The following SH2D5 variants were observed in gnomAD, a reference collection of about 807,000 sequenced individuals.
SH2D5 encodes SH2 domain containing 5.
Under a neutral mutation model 48.2 loss-of-function variants are expected in SH2D5, and 45 were observed. The ratio of observed to expected loss-of-function variants is 0.93; its 90% confidence interval spans 0.73 to 1.20. SH2D5 has a LOEUF of 1.20. Among genes scored for constraint, SH2D5 ranks in the 50% most tolerant of loss-of-function variants. The pLI is 0.00. For missense variants in SH2D5, 538 were observed against 584.1 expected (o/e 0.92, Z 0.81); for synonymous variants, 230 against 249.8 (o/e 0.92, Z 0.75).
intron 2 of SH2D5, 85 bp downstream of exon 2, chr1:20,727,873 A>G: frequency 8.9e-7 from 1 of 1,120,076 alleles, no homozygotes; most frequent in East Asian, 2.6e-5. Context: ...AATAGGTCCT[A>G]GGCCCGCAGC....
chr1:20,732,186 G>C lies in SH2D5; in HGVS notation c.-48C>G, dbSNP rs1171003917. On this transcript the variant is annotated 5_prime_UTR_variant, in exon 1 of 10. Coordinates refer to ENST00000444387, the MANE Select transcript of SH2D5 (RefSeq NM_001103161.2). This position sits in a 1 kb window ranked among gnomAD's most constrained non-coding sequence, Gnocchi z 5.1. ...CGGCGACCCGCCTCACTCACCAATC[G>C]GCGCCCGCGGAGCCGCTCCGCTCGG... The C allele has an allele frequency of 6.6e-6, 1 of 151,868 alleles. No homozygotes were observed. Among genetic ancestry groups the C allele is most frequent in the Non-Finnish European group, 1.5e-5 (1 of 67,948 alleles). The allele number at this position is 151,868 out of a possible 1,614,324, so 9.4% of individuals were successfully genotyped here.
In SH2D5 at chr1:20,729,229, G is replaced by A. The variant is rs1400820045; in HGVS notation, c.-42-1143C>T. 6.6e-6 allele frequency among the ~76,000 whole-genome samples: 1 copy of A among 152,166 alleles called. No homozygotes were observed. The highest frequency in any genetic ancestry group is 1.5e-5 in the Non-Finnish European group (1 of 68,028). On this transcript the variant is annotated intron_variant, in intron 1 of 9. Transcript: ENST00000444387. The surrounding 1 kb of genome is among the most constrained non-coding windows in gnomAD (Gnocchi z 4.2). ...GGCCCCATGATTCCAAGAAAGAATGGCTAAATGCCTCTGGCGAGGTCCCCC... is the reference window on the plus strand; with the variant it reads ...GGCCCCATGATTCCAAGAAAGAATGACTAAATGCCTCTGGCGAGGTCCCCC...
rs1382629954 is a variant in SH2D5, at chr1:20,725,904, C to T, written c.390+16G>A. On this transcript the variant is annotated intron_variant, in intron 5 of 9. Coordinates refer to ENST00000444387, the MANE Select transcript of SH2D5 (RefSeq NM_001103161.2). ...TCCGGCCTCCGTGGCGGTCCCCTGCCTCAAGCCCCAGATACCTCTCCTGGC... is the reference window on the plus strand; with the variant it reads ...TCCGGCCTCCGTGGCGGTCCCCTGCTTCAAGCCCCAGATACCTCTCCTGGC... The T allele has an allele frequency of 6.2e-7, 1 of 1,612,080 alleles. No homozygotes were observed. Among genetic ancestry groups the T allele is most frequent in the Non-Finnish European group, 8.5e-7 (1 of 1,179,566 alleles).
rs2054871386 is a variant in SH2D5 at position 20,729,766 on chromosome 1, A to G, written c.-42-1680T>C. 6.6e-6 allele frequency among the ~76,000 whole-genome samples: 1 copy of G among 152,218 alleles called. No individual in the cohort carries two copies. The highest frequency in any genetic ancestry group is 6.5e-5 in the Admixed American group (1 of 15,280). Reference sequence around the variant, plus strand: ...GAAGGGACCCTGTCTCTGCCTGCCCATGACCTTTAACCTCAGGCTCAGGCC... The same window carrying G: ...GAAGGGACCCTGTCTCTGCCTGCCCGTGACCTTTAACCTCAGGCTCAGGCC... On this transcript the variant is annotated intron_variant, in intron 1 of 9. Transcript: ENST00000444387. The surrounding 1 kb of genome is among the most constrained non-coding windows in gnomAD (Gnocchi z 4.2).
At position 20,724,120 on chromosome 1, in the gene SH2D5, G is replaced by C. The variant is rs1469693797; in HGVS notation, c.762C>G (p.Thr254=). 1 of 1,612,708 alleles carries C rather than the reference G, an allele frequency of 6.2e-7. No individual in the cohort carries two copies. The highest frequency in any genetic ancestry group is 1.1e-5 in the South Asian group (1 of 91,072). ...VIRSGAYRGC[T]YETQLQLSAR... is the part of the protein sequence containing the mutation. Reference sequence around the variant, plus strand: ...CCGACAGCTGCAGCTGGGTCTCATAGGTGCAGCCGCGGTAGGCCCCCGAGC... The same window carrying C: ...CCGACAGCTGCAGCTGGGTCTCATACGTGCAGCCGCGGTAGGCCCCCGAGC... Residue 254 remains threonine (T), a synonymous_variant, in exon 7 of 10, where the codon ACC becomes ACG. Coordinates refer to ENST00000444387, the MANE Select transcript of SH2D5 (RefSeq NM_001103161.2).
Position 20,728,513 on chromosome 1 carries a change from G to GC in SH2D5, c.-42-428dup, listed in dbSNP as rs557587646. Among the ~76,000 whole-genome samples the GC allele has an allele frequency of 2.6e-5, 4 of 152,232 alleles. No homozygotes were observed. In the East Asian group the frequency reaches 7.8e-4, roughly 30 times the overall value. ...ATCCTGGTGTTCTGGGCTGGGGCCT[G>GC]CCCCAGGGGCTGGTTACAGGAAGAC... On this transcript the variant is annotated intron_variant, in intron 1 of 9. Coordinates refer to ENST00000444387, the MANE Select transcript of SH2D5 (RefSeq NM_001103161.2). This position sits in a 1 kb window ranked among gnomAD's most constrained non-coding sequence, Gnocchi z 4.3.
rs1217671107 is a variant in SH2D5, at chr1:20,726,102, C to T, written c.244-36G>A. On this transcript the variant is annotated intron_variant, in intron 4 of 9. Coordinates refer to ENST00000444387, the MANE Select transcript of SH2D5 (RefSeq NM_001103161.2). Reference sequence around the variant, plus strand: ...AGCAGTGTGAGGCCCCCATCAGACCCACCGGGCAGCCCCACCCCTGCTTGC... The same window carrying T: ...AGCAGTGTGAGGCCCCCATCAGACCTACCGGGCAGCCCCACCCCTGCTTGC... 2.6e-6 allele frequency: 4 copies of T among 1,556,700 alleles called. No individual in the cohort carries two copies. The African/African-American group carries it at 5.4e-5, about 21-fold the overall frequency.
chr1:20,722,640 G>A (rs1245687073), intron 9 of SH2D5, 116 bp downstream of exon 9: 13 of 1,105,802 alleles, frequency 1.2e-5, no homozygotes, highest in Middle Eastern at 3.1e-4. Flanking sequence ...GGGAGACAGG[G>A]ATGGGGGTGA....
At chr1:20,726,321 C>T (rs929770099) in intron 4 of SH2D5, among the ~76,000 whole-genome samples, 3 of 152,288 alleles carry the variant, frequency 2.0e-5, no homozygotes, top group Admixed American at 2.0e-4. Context: ...GACTGGGGTG[C>T]GAATCCTGGC....
In SH2D5 at chr1:20,732,168, C is replaced by T. The variant is rs2154538803; in HGVS notation, c.-43+13G>A. ...CCCCGGATCACCTGGCGGCGGCGAC[C>T]CGCCTCACTCACCAATCGGCGCCCG... On this transcript the variant is annotated intron_variant, in intron 1 of 9. Coordinates refer to ENST00000444387, the MANE Select transcript of SH2D5 (RefSeq NM_001103161.2). The surrounding 1 kb of genome is among the most constrained non-coding windows in gnomAD (Gnocchi z 5.1). 6.6e-6 allele frequency: 1 copy of T among 152,160 alleles called. No individual in the cohort carries two copies. The highest frequency in any genetic ancestry group is 2.1e-4 in the South Asian group (1 of 4,846). The allele number at this position is 152,160 out of a possible 1,614,324, so 9.4% of individuals were successfully genotyped here.
At position 20,725,902 on chromosome 1, in the gene SH2D5, G is replaced by A; in HGVS notation, c.390+18C>T. The A allele has an allele frequency of 6.2e-7, 1 of 1,611,850 alleles. No individual in the cohort carries two copies. Among genetic ancestry groups the A allele is most frequent in the Non-Finnish European group, 8.5e-7 (1 of 1,179,522 alleles). On this transcript the variant is annotated intron_variant, in intron 5 of 9. Transcript: ENST00000444387. ...CCTCCGGCCTCCGTGGCGGTCCCCT[G>A]CCTCAAGCCCCAGATACCTCTCCTG...
chr1:20,730,162 C>T (rs2054878469), intron 1 of SH2D5, among the ~76,000 whole-genome samples: 3 of 151,782 alleles, frequency 2.0e-5, no homozygotes, highest in South Asian at 2.1e-4. Flanking sequence ...CCACAAAACA[C>T]GGAGAAAAGG....
rs1029145010 is a variant in SH2D5, at chr1:20,732,339, C to G, written c.-201G>C. The G allele has an allele frequency of 1.1e-4, 17 of 152,238 alleles. No individual in the cohort carries two copies. Among genetic ancestry groups the G allele is most frequent in the African/African-American group, 4.1e-4 (17 of 41,540 alleles). 9.4% of individuals were successfully genotyped at this position (152,238 alleles called of 1,614,324 possible). On this transcript the variant is annotated 5_prime_UTR_variant, in exon 1 of 10. Transcript: ENST00000444387. The surrounding 1 kb of genome is among the most constrained non-coding windows in gnomAD (Gnocchi z 5.1). ...TCCTCCCGGGCTGGGGGCGCTGAAT[C>G]CCCCGCGCCTCACTCACGGGTCCCT... is the stretch of plus-strand genomic sequence containing the variant.
At chr1:20,724,702 C>T in intron 5 of SH2D5, 67 bp from the exon 6 acceptor site, 1 of 1,447,724 alleles carries the variant, frequency 6.9e-7, no homozygotes, top group Non-Finnish European at 9.1e-7. Context: ...ACTCCCTGGG[C>T]CTCAGCCCAC....
chr1:20,728,098 AG>A lies in SH2D5; in HGVS notation c.-42-13del, dbSNP rs1163724391. On this transcript the variant is annotated splice_polypyrimidine_tract_variant and intron_variant, in intron 1 of 9. Coordinates refer to ENST00000444387, the MANE Select transcript of SH2D5 (RefSeq NM_001103161.2). The surrounding 1 kb of genome is among the most constrained non-coding windows in gnomAD (Gnocchi z 4.3). ...CACGGGAGGGGAGGCTGCAAAGGGC[AG>A]GGGGGGAAGGGCTGCTTTCGAGGCA... 55 of 1,291,172 alleles carry A rather than the reference AG, an allele frequency of 4.3e-5. No homozygotes were observed. Among genetic ancestry groups the A allele is most frequent in the Non-Finnish European group, 5.1e-5 (47 of 929,000 alleles). 80.0% of individuals were successfully genotyped at this position (1,291,172 alleles called of 1,614,324 possible).
At chr1:20,731,553 C>T (rs77676789) in intron 1 of SH2D5, 8,519 of 152,428 alleles carry the variant, frequency 0.056, 366 homozygotes, top group East Asian at 0.096. Context: ...CTGGGGGCAC[C>T]CAGCTGGGGT....
chr1:20,726,630 A>G (rs1382575680), intron 4 of SH2D5, among the ~76,000 whole-genome samples: 2 of 152,094 alleles, frequency 1.3e-5, no homozygotes, highest in Non-Finnish European at 2.9e-5. Context: ...CAGGGCAGGG[A>G]GGAGGAGCAG....
chr1:20,722,373 T>A (rs2154538394), intron 9 of SH2D5, among the ~76,000 whole-genome samples: 1 of 152,302 alleles, frequency 6.6e-6, no homozygotes, highest in Middle Eastern at 3.4e-3. Context: ...CCAGGATTCC[T>A]GTAGAAATGT....
chr1:20,729,470 G>A lies in SH2D5; in HGVS notation c.-42-1384C>T, dbSNP rs567589391. On this transcript the variant is annotated intron_variant, in intron 1 of 9. Coordinates refer to ENST00000444387, the MANE Select transcript of SH2D5 (RefSeq NM_001103161.2). The surrounding 1 kb of genome is among the most constrained non-coding windows in gnomAD (Gnocchi z 4.2). ...TGGGATCATGTGAGGAGTAGATGGG[G>A]ACAGAATGGAGGAGGCAGCGCCCAG... Among the ~76,000 whole-genome samples, 36 of 152,296 alleles carry A rather than the reference G, an allele frequency of 2.4e-4. No homozygotes were observed. The highest frequency in any genetic ancestry group is 8.7e-4 in the African/African-American group (36 of 41,570).
Sources: allele counts gnomAD v4.1 joint callset (sites outside exome capture counted in the v4.1 genomes callset), GRCh38; gene constraint gnomAD v4.1.1; non-coding constraint Gnocchi (gnomAD v3.1); transcripts MANE v1.5; gene names NCBI Gene and HGNC (gene_info 2026-07-23, HGNC 2026-07-21).